Variants in FBXO4 observed in about 807,000 individuals in gnomAD.
FBXO4 encodes the protein F-box only protein 4.
Under a neutral mutation model 43.7 loss-of-function variants are expected in FBXO4, and 36 were observed. That is an observed-to-expected ratio of 0.82 (90% CI 0.63 to 1.09). The LOEUF is 1.09. Among genes scored for constraint, FBXO4 ranks in the 50% least tolerant of loss-of-function variants. The pLI, the probability that FBXO4 is intolerant of heterozygous loss-of-function variation, is 0.00. For missense variants in FBXO4, 435 were observed against 474.1 expected, an observed-to-expected ratio of 0.92 and a Z score of 0.77; for synonymous variants, 180 against 165.6, an observed-to-expected ratio of 1.09 and a Z score of -0.67.
chr5:41,966,615 T>C, the FBXO4 span, among the ~76,000 whole-genome samples: 4 of 152,214 alleles, frequency 2.6e-5, no homozygotes, highest in African/African-American at 9.6e-5. Flanking sequence ...ATTTTTTTCC[T>C]AGCCGGTTCA....
the FBXO4 span, among the ~76,000 whole-genome samples, chr5:41,949,102 A>AT: frequency 6.6e-6 from 1 of 152,230 alleles, no homozygotes; most frequent in Non-Finnish European, 1.5e-5. Context: ...CGCACAGCCT[A>AT]TATCATACTG....
the FBXO4 span, among the ~76,000 whole-genome samples, chr5:42,025,310 T>C: frequency 6.6e-6 from 1 of 152,102 alleles, no homozygotes; most frequent in Admixed American, 6.6e-5. Context: ...TGATCAATAA[T>C]GTTGAGCACC....
At chr5:41,996,864 C>T in the FBXO4 span, among the ~76,000 whole-genome samples, 11 of 152,156 alleles carry the variant, frequency 7.2e-5, no homozygotes, top group Non-Finnish European at 1.6e-4. Flanking sequence ...ATTTATTTCC[C>T]ATCCTCTGGC....
chr5:42,003,539 C>T, the FBXO4 span, among the ~76,000 whole-genome samples: 4 of 152,070 alleles, frequency 2.6e-5, no homozygotes, highest in Admixed American at 2.0e-4. Context: ...TTAAATTACA[C>T]TTTAAGTTCT....
At chr5:41,972,413 G>A in the FBXO4 span, among the ~76,000 whole-genome samples, 804 of 152,092 alleles carry the variant, frequency 5.3e-3, 13 homozygotes, top group African/African-American at 0.019. Flanking sequence ...TTTCCACAAT[G>A]CAAATTAAGA....
At chr5:41,980,536 C>T in the FBXO4 span, among the ~76,000 whole-genome samples, 1 of 152,052 alleles carries the variant, frequency 6.6e-6, no homozygotes, top group African/African-American at 2.4e-5. Flanking sequence ...TAAAAGCATA[C>T]AGGCAGGAGT....
chr5:41,985,934 A>C, the FBXO4 span, among the ~76,000 whole-genome samples: 1 of 152,302 alleles, frequency 6.6e-6, no homozygotes, highest in African/African-American at 2.4e-5. Flanking sequence ...TGTTAAAATA[A>C]AAATAGAGAA....
At chr5:42,001,802 C>T in the FBXO4 span, among the ~76,000 whole-genome samples, 3 of 152,260 alleles carry the variant, frequency 2.0e-5, no homozygotes, top group South Asian at 6.2e-4. Flanking sequence ...AGCAATTCTC[C>T]TGCTCAGCCT....
At chr5:41,999,058 A>G in the FBXO4 span, among the ~76,000 whole-genome samples, 6 of 136,972 alleles carry the variant, frequency 4.4e-5, no homozygotes, top group Admixed American at 2.3e-4. Flanking sequence ...CATGGTCCAT[A>G]TATGGACCAC....
At chr5:42,006,694 A>G in the FBXO4 span, among the ~76,000 whole-genome samples, 1 of 151,576 alleles carries the variant, frequency 6.6e-6, no homozygotes, top group Non-Finnish European at 1.5e-5. Flanking sequence ...TGTGGAAAGT[A>G]TTGCTGGGGG....
At chr5:42,038,086 A>C in the FBXO4 span, among the ~76,000 whole-genome samples, 1 of 152,100 alleles carries the variant, frequency 6.6e-6, no homozygotes, top group Non-Finnish European at 1.5e-5. Flanking sequence ...CCGTTAAAAG[A>C]GAGTGTTGTG....
intron 6 of FBXO4, among the ~76,000 whole-genome samples, chr5:41,940,462 A>C (rs1437423601): frequency 6.6e-6 from 1 of 151,900 alleles, no homozygotes; most frequent in Non-Finnish European, 1.5e-5. Flanking sequence ...GGGTTTCACC[A>C]TGTTGGCCAG....
intron 2 of FBXO4, 59 bp from the exon 3 acceptor site, chr5:41,929,638 T>C (rs1751615048): frequency 3.2e-6 from 4 of 1,260,808 alleles, no homozygotes; most frequent in Non-Finnish European, 3.3e-6. Context: ...TTATATATTT[T>C]TGAATGAATA....
chr5:42,019,997 T>A, the FBXO4 span, among the ~76,000 whole-genome samples: 1 of 152,184 alleles, frequency 6.6e-6, no homozygotes, highest in East Asian at 1.9e-4. Flanking sequence ...TGTAAATCAA[T>A]CCATAAGCAA....
chr5:42,008,304 T>C, the FBXO4 span, among the ~76,000 whole-genome samples: 3 of 152,160 alleles, frequency 2.0e-5, no homozygotes, highest in Non-Finnish European at 4.4e-5. Context: ...ACTCTGACCC[T>C]TGTTTTGAGT....
the FBXO4 span, among the ~76,000 whole-genome samples, chr5:41,954,138 T>A: frequency 1.3e-5 from 2 of 152,126 alleles, no homozygotes; most frequent in East Asian, 3.8e-4. Flanking sequence ...GTCAAATAAT[T>A]TTCAGTTCCT....
At chr5:41,943,163 G>A (rs1752028536), downstream of FBXO4, among the ~76,000 whole-genome samples, 1 of 152,020 alleles carries the variant, frequency 6.6e-6, no homozygotes, top group Non-Finnish European at 1.5e-5. Flanking sequence ...CATTAGACTT[G>A]GAGTCCGAAA....
the FBXO4 span, among the ~76,000 whole-genome samples, chr5:42,029,555 G>T: frequency 0.016 from 2,434 of 151,948 alleles, 122 homozygotes; most frequent in East Asian, 0.1. Context: ...TTCCTACCAT[G>T]TACTTGGGGC....
At chr5:42,003,696 G>A in the FBXO4 span, among the ~76,000 whole-genome samples, 2 of 111,560 alleles carry the variant, frequency 1.8e-5, no homozygotes, top group African/African-American at 7.4e-5. Flanking sequence ...AGGCCCCAGT[G>A]TGTGATGTTC....
Sources: gnomAD v4.1 joint callset for allele counts (sites outside exome capture counted in the v4.1 genomes callset) on GRCh38, gnomAD v4.1.1 for gene constraint, MANE v1.5 for transcripts, NCBI Gene and HGNC (gene_info 2026-07-23, HGNC 2026-07-21) for gene names.